DDX11: variants seen among roughly 807,000 people sequenced by gnomAD.
The protein encoded by DDX11 is ATP-dependent DNA helicase DDX11.
In DDX11, 72 loss-of-function variants were observed where a neutral mutation model predicts 125.2. That is an observed-to-expected ratio of 0.58 (90% CI 0.48 to 0.70). DDX11 has a LOEUF of 0.70. DDX11 is among the 30% of genes least tolerant of loss of function. The pLI, the probability that DDX11 is intolerant of heterozygous loss-of-function variation, is 0.00. For synonymous variants in DDX11, 347 were observed against 452.6 expected (o/e 0.77, Z 2.96); for missense variants, 883 against 1,165.0 (o/e 0.76, Z 3.52).
At chr12:31,103,286 A>T (rs3825325) in intron 24 of DDX11, 31 bp from the exon 25 acceptor site, 1 of 1,604,204 alleles carries the variant, frequency 6.2e-7, no homozygotes, top group Non-Finnish European at 8.5e-7. Context: ...GGCAGGGAAC[A>T]GTCCTGATGG....
At chr12:31,074,378 C>T (rs1345755371) in intron 1 of DDX11, 1 of 152,180 alleles carries the variant, frequency 6.6e-6, no homozygotes, top group African/African-American at 2.4e-5. Flanking sequence ...TGAGCCCCAG[C>T]GATGCTAACT....
chr12:31,079,662 T>A (rs1347167774), intron 2 of DDX11, among the ~76,000 whole-genome samples: 1 of 151,698 alleles, frequency 6.6e-6, no homozygotes, highest in Non-Finnish European at 1.5e-5. Context: ...CAACATATGT[T>A]TGTTTGTTAA....
intron 2 of DDX11, among the ~76,000 whole-genome samples, chr12:31,078,979 GC>G (rs200811662): frequency 1.3e-5 from 2 of 152,132 alleles, no homozygotes; most frequent in African/African-American, 4.8e-5. Context: ...GAGTCACCGT[GC>G]CCGGCCTAAA....
intron 14 of DDX11, among the ~76,000 whole-genome samples, chr12:31,095,495 A>T (rs1945063865): frequency 6.6e-6 from 1 of 152,170 alleles, no homozygotes; most frequent in Admixed American, 6.5e-5. Context: ...GGCTGCACTG[A>T]CTTGGGGCCC....
chr12:31,096,516 T>C, intron 15 of DDX11, 121 bp from the exon 16 acceptor site: 2 of 1,591,352 alleles, frequency 1.3e-6, no homozygotes, highest in Non-Finnish European at 1.7e-6. Flanking sequence ...CAGTGGGCCT[T>C]GCTGGGGTGG....
In DDX11 at chr12:31,096,924, A is replaced by T. The variant is rs142312636; in HGVS notation, c.1696A>T (p.Ile566Phe). 1.2e-6 allele frequency: 2 copies of T among 1,614,142 alleles called. No homozygotes were observed. Among genetic ancestry groups the T allele is most frequent in the Admixed American group, 1.7e-5 (1 of 60,012 alleles). Residue 566 changes from isoleucine to phenylalanine, a missense_variant, in exon 17 of 27, where the codon ATC (isoleucine) becomes TTC (phenylalanine). Around this residue, in one of 5 missense-constraint regions of DDX11, gnomAD observed 241 missense variants for 279.7 expected, o/e 0.86. Transcript: ENST00000542838. ...TLRPASPLMHIQGFLAALTTA... is the reference protein window; with the variant it reads ...TLRPASPLMHFQGFLAALTTA... Reference sequence around the variant, plus strand: ...GCGACCAGCTTCTCCACTGATGCACATCCAAGGCTTCCTGGCAGCTCTCAC... The same window carrying T: ...GCGACCAGCTTCTCCACTGATGCACTTCCAAGGCTTCCTGGCAGCTCTCAC...
intron 9 of DDX11, 174 bp from the exon 10 acceptor site, chr12:31,091,545 C>T: frequency 1.6e-6 from 1 of 640,536 alleles, no homozygotes; most frequent in South Asian, 1.9e-5. Flanking sequence ...CATGTATTGG[C>T]TTTTCATGTG....
rs1236986232 is a variant in DDX11 at position 31,085,121 on chromosome 12, G to A, written c.633G>A (p.Ala211=). The part of the protein sequence containing the change: ...EYESDEEKKV[A]SRVDEDEDDL... Reference sequence around the variant, plus strand: ...AGAGTGATGAGGAGAAAAAGGTGGCGAGCAGGTGAGACAGAGGCGGTAGCA... The same window carrying A: ...AGAGTGATGAGGAGAAAAAGGTGGCAAGCAGGTGAGACAGAGGCGGTAGCA... The change falls in exon 5 of 27, where the codon GCG becomes GCA. Residue 211 remains alanine, a synonymous_variant. Coordinates refer to ENST00000542838, the MANE Select transcript of DDX11 (RefSeq NM_030653.4). The A allele has an allele frequency of 1.1e-5, 17 of 1,560,860 alleles. No individual in the cohort carries two copies. The highest frequency in any genetic ancestry group is 3.8e-5 in the Admixed American group (2 of 52,068).
intron 18 of DDX11, among the ~76,000 whole-genome samples, chr12:31,098,417 C>A (rs1335162884): frequency 5.9e-5 from 9 of 152,292 alleles, no homozygotes; most frequent in Non-Finnish European, 1.3e-4. Flanking sequence ...CTGGAACTTG[C>A]TCTTTTCACT....
intron 3 of DDX11, 74 bp downstream of exon 3, chr12:31,084,135 G>A (rs1348513118): frequency 2.3e-5 from 36 of 1,586,466 alleles, no homozygotes; most frequent in Non-Finnish European, 2.7e-5. Flanking sequence ...GGGCGATTCC[G>A]AGACTCAGGC....
rs1288861789 is a variant in DDX11, at chr12:31,104,195, C to G, written c.*359C>G. 9.0e-6 allele frequency: 11 copies of G among 1,219,234 alleles called. No homozygotes were observed. The highest frequency in any genetic ancestry group is 1.5e-5 in the African/African-American group (1 of 65,130). 75.5% of individuals were successfully genotyped at this position (1,219,234 alleles called of 1,614,324 possible). ...CACTGTGGCATCTCCGTCCTGCCCA[C>G]CTTCTTAAGAGGCGAGATGGAGCAG... is the stretch of plus-strand genomic sequence containing the variant. On this transcript the variant is annotated 3_prime_UTR_variant, in exon 27 of 27. Coordinates refer to ENST00000542838, the MANE Select transcript of DDX11 (RefSeq NM_030653.4).
intron 20 of DDX11, 189 bp downstream of exon 20, chr12:31,101,319 C>T (rs1165183544): frequency 3.5e-5 from 22 of 636,898 alleles, no homozygotes; most frequent in Admixed American, 3.0e-4. Flanking sequence ...TGAGCTTCCC[C>T]GCCCCTCACG....
chr12:31,094,277 C>T (rs1261082062), intron 12 of DDX11: 2 of 380,864 alleles, frequency 5.3e-6, no homozygotes, highest in Non-Finnish European at 1.0e-5. Context: ...CTGGGCAGCT[C>T]CTCTGTGCTC....
chr12:31,082,682 T>TG (rs1942209134), intron 2 of DDX11, among the ~76,000 whole-genome samples: 1 of 151,888 alleles, frequency 6.6e-6, no homozygotes, highest in African/African-American at 2.4e-5. Flanking sequence ...TGGCGCTCCC[T>TG]GAAGGGTCCT....
At chr12:31,076,364 T>C (rs1940719156) in intron 1 of DDX11, among the ~76,000 whole-genome samples, 2 of 152,176 alleles carry the variant, frequency 1.3e-5, no homozygotes, top group African/African-American at 4.8e-5. Context: ...TGTCTTGAAG[T>C]CCGAGCTGCC....
intron 23 of DDX11, 27 bp downstream of exon 23, chr12:31,102,554 GGGCCGTGATACAT>G (rs1159450539): frequency 6.2e-7 from 1 of 1,604,784 alleles, no homozygotes; most frequent in Non-Finnish European, 8.5e-7. Context: ...CTCGTCTCCT[GGGCCGTGATACAT>G]GGCCGGCCCT....
At chr12:31,083,331 C>CAAA (rs1281755986) in intron 2 of DDX11, among the ~76,000 whole-genome samples, 3 of 128,724 alleles carry the variant, frequency 2.3e-5, no homozygotes, top group Non-Finnish European at 1.8e-5. Context: ...AAAAACAAAA[C>CAAA]AAAACACAAA....
intron 3 of DDX11, 97 bp from the exon 4 acceptor site, chr12:31,084,486 C>T: frequency 9.2e-7 from 1 of 1,084,884 alleles, no homozygotes; most frequent in South Asian, 1.3e-5. Flanking sequence ...AGAGATGCCC[C>T]CAGTGAGGAG....
intron 17 of DDX11, among the ~76,000 whole-genome samples, chr12:31,097,626 G>T (rs1945522493): frequency 6.9e-6 from 1 of 144,594 alleles, no homozygotes; most frequent in African/African-American, 2.7e-5. Context: ...GTTGCAGGGA[G>T]CCGAGATTGA....
Sources: allele counts gnomAD v4.1 joint callset (sites outside exome capture counted in the v4.1 genomes callset), GRCh38; gene constraint gnomAD v4.1.1; regional missense constraint gnomAD v4.1.1; transcripts MANE v1.5; gene names NCBI Gene and HGNC (gene_info 2026-07-23, HGNC 2026-07-21).